SEMA5A: variants seen among roughly 807,000 people sequenced by gnomAD.
SEMA5A encodes the protein semaphorin-5A.
SEMA5A carries 55 observed loss-of-function variants against 135.5 expected under a neutral mutation model. The observed-to-expected ratio is 0.41, with a 90% CI of 0.33 to 0.51. The LOEUF (loss-of-function observed/expected upper bound fraction) is 0.51. Ranked by LOEUF, SEMA5A falls within the 20% of genes least tolerant of loss-of-function variation. The pLI, the probability that SEMA5A is intolerant of heterozygous loss-of-function variation, is 0.37. For missense variants in SEMA5A, 1,290 were observed against 1,419.9 expected, an observed-to-expected ratio of 0.91 and a Z score of 1.47; for synonymous variants, 580 against 546.5, an observed-to-expected ratio of 1.06 and a Z score of -0.85.
rs150563268 is a variant in SEMA5A, at chr5:9,140,733, T to A, written c.1482-4112A>T. Among the ~76,000 whole-genome samples the A allele has an allele frequency of 5.9e-5, 9 of 152,336 alleles. No individual in the cohort carries two copies. In the East Asian group the frequency reaches 1.7e-3, roughly 29 times the overall value. ...TGGGAATTCTCTGTGTATGATTCTT[T>A]ACACAGAGCAAAAGCATAGCGAGGC... On this transcript the variant is annotated intron_variant, in intron 12 of 22. Transcript: ENST00000382496.
At chr5:9,403,273 C>G (rs1249083087) in intron 2 of SEMA5A, among the ~76,000 whole-genome samples, 1 of 152,106 alleles carries the variant, frequency 6.6e-6, no homozygotes, top group Non-Finnish European at 1.5e-5. Context: ...CAATACAAAC[C>G]AGACCGTAAG....
intron 1 of SEMA5A, among the ~76,000 whole-genome samples, chr5:9,473,269 T>A (rs1352319028): frequency 2.0e-5 from 3 of 148,116 alleles, no homozygotes; most frequent in Non-Finnish European, 4.5e-5. Flanking sequence ...CCTAGTCAAG[T>A]AAATGATTTA....
chr5:9,500,050 T>C (rs1309438921), intron 1 of SEMA5A, among the ~76,000 whole-genome samples: 1 of 152,240 alleles, frequency 6.6e-6, no homozygotes, highest in African/African-American at 2.4e-5. Context: ...TACTCATATT[T>C]TAATATCTTC....
At chr5:9,088,021 C>T (rs764283164) in intron 16 of SEMA5A, among the ~76,000 whole-genome samples, 8 of 152,146 alleles carry the variant, frequency 5.3e-5, no homozygotes, top group Non-Finnish European at 1.2e-4. Flanking sequence ...GGCGTGGTGG[C>T]TCACGCCTAT....
At chr5:9,452,494 A>G (rs1758681992) in intron 1 of SEMA5A, among the ~76,000 whole-genome samples, 1 of 152,176 alleles carries the variant, frequency 6.6e-6, no homozygotes, top group East Asian at 1.9e-4. Context: ...ACCTCAGATT[A>G]TTCCAGCCCT....
chr5:9,292,500 G>A (rs1482514816), intron 5 of SEMA5A, among the ~76,000 whole-genome samples: 2 of 152,142 alleles, frequency 1.3e-5, no homozygotes, highest in African/African-American at 2.4e-5. Context: ...ACTGTCTTCA[G>A]TTATTAATAC....
intron 16 of SEMA5A, among the ~76,000 whole-genome samples, chr5:9,089,678 G>A (rs915425056): frequency 6.6e-6 from 1 of 152,098 alleles, no homozygotes. Context: ...GGTATTGAAC[G>A]CTAGCAGCCC....
chr5:9,258,917 C>T (rs146522895), intron 5 of SEMA5A, among the ~76,000 whole-genome samples: 4 of 138,096 alleles, frequency 2.9e-5, no homozygotes, highest in East Asian at 2.4e-4. Flanking sequence ...TGGGTTCAAG[C>T]GTTCAAGCAA....
At chr5:9,531,510 G>A (rs1737436332) in intron 1 of SEMA5A, among the ~76,000 whole-genome samples, 1 of 152,150 alleles carries the variant, frequency 6.6e-6, no homozygotes, top group South Asian at 2.1e-4. Flanking sequence ...CTCAGGGCAT[G>A]CAGACACACA....
In SEMA5A at chr5:9,050,471, AG is replaced by A. The variant is rs1180979432; in HGVS notation, c.2846-15del. The A allele has an allele frequency of 6.2e-7, 1 of 1,611,718 alleles. No individual in the cohort carries two copies. Among genetic ancestry groups the A allele is most frequent in the South Asian group, 1.1e-5 (1 of 90,372 alleles). ...CCACAGATACTTCTGGAAAAAGAAA[AG>A]TCGAATCACAATGTGTAAAAGGTGT... On this transcript the variant is annotated splice_polypyrimidine_tract_variant and intron_variant, in intron 20 of 22. Coordinates refer to ENST00000382496, the MANE Select transcript of SEMA5A (RefSeq NM_003966.3).
intron 9 of SEMA5A, among the ~76,000 whole-genome samples, chr5:9,198,077 G>T (rs1041864201): frequency 6.6e-6 from 1 of 152,076 alleles, no homozygotes; most frequent in Non-Finnish European, 1.5e-5. Flanking sequence ...TGCATTTTGA[G>T]CTCAGTCCGG....
At chr5:9,183,469 C>T (rs1003460781) in intron 11 of SEMA5A, among the ~76,000 whole-genome samples, 1 of 152,166 alleles carries the variant, frequency 6.6e-6, no homozygotes, top group African/African-American at 2.4e-5. Flanking sequence ...GCAGCAACAG[C>T]GCCACAGACG....
intron 12 of SEMA5A, among the ~76,000 whole-genome samples, chr5:9,139,508 G>C (rs1007928850): frequency 6.6e-6 from 1 of 152,106 alleles, no homozygotes; most frequent in Non-Finnish European, 1.5e-5. Context: ...TGTGTCTTAG[G>C]TTAAGGCTTA....
chr5:9,263,254 C>G (rs1347642553), intron 5 of SEMA5A, among the ~76,000 whole-genome samples: 1 of 152,172 alleles, frequency 6.6e-6, no homozygotes, highest in African/African-American at 2.4e-5. Flanking sequence ...GTCCCCAACA[C>G]CCAAGCCACG....
chr5:9,131,718 A>G (rs1471657902), intron 13 of SEMA5A, among the ~76,000 whole-genome samples: 1 of 149,612 alleles, frequency 6.7e-6, no homozygotes, highest in African/African-American at 2.5e-5. Flanking sequence ...GAATCCAGCC[A>G]TTCATGAGAG....
At chr5:9,091,566 A>G (rs1366241981) in intron 16 of SEMA5A, among the ~76,000 whole-genome samples, 1 of 152,196 alleles carries the variant, frequency 6.6e-6, no homozygotes, top group African/African-American at 2.4e-5. Context: ...TTCAGCATAA[A>G]TCACAATGGG....
At chr5:9,361,893 C>T (rs1281136293) in intron 3 of SEMA5A, among the ~76,000 whole-genome samples, 1 of 152,114 alleles carries the variant, frequency 6.6e-6, no homozygotes, top group Admixed American at 6.5e-5. Context: ...TTTACAAGAG[C>T]CCCAAATCCA....
At chr5:9,210,048 T>C (rs1579620386) in intron 8 of SEMA5A, among the ~76,000 whole-genome samples, 1 of 152,222 alleles carries the variant, frequency 6.6e-6, no homozygotes, top group East Asian at 1.9e-4. Flanking sequence ...ATATCTTCAC[T>C]ACAGTGAGGC....
At chr5:9,308,844 C>G (rs1751993845) in intron 5 of SEMA5A, among the ~76,000 whole-genome samples, 1 of 152,214 alleles carries the variant, frequency 6.6e-6, no homozygotes, top group East Asian at 1.9e-4. Flanking sequence ...TTTAGTGCTG[C>G]TGGAGAACTC....
Sources: gnomAD v4.1 joint callset for allele counts (sites outside exome capture counted in the v4.1 genomes callset) on GRCh38, gnomAD v4.1.1 for gene constraint, MANE v1.5 for transcripts, NCBI Gene and HGNC (gene_info 2026-07-23, HGNC 2026-07-21) for gene names.